The following TERB1 variants were observed in gnomAD, a reference collection of about 807,000 sequenced individuals.
TERB1 encodes telomere repeat binding bouquet formation protein 1, also known as telomere repeats-binding bouquet formation protein 1.
A neutral mutation model predicts 92.3 loss-of-function variants in TERB1; 63 were observed. The observed-to-expected ratio is 0.68, with a 90% CI of 0.56 to 0.84. TERB1 has a LOEUF of 0.84. Ranked by LOEUF, TERB1 falls within the 40% of genes least tolerant of loss-of-function variation. TERB1 has a pLI of 0.00. For synonymous variants in TERB1, 252 were observed against 283.9 expected (o/e 0.89, Z 1.13); for missense variants, 709 against 843.7 (o/e 0.84, Z 1.98).
At chr16:66,788,803 A>T (rs1272739225) in intron 5 of TERB1, among the ~76,000 whole-genome samples, 1 of 152,094 alleles carries the variant, frequency 6.6e-6, no homozygotes, top group Non-Finnish European at 1.5e-5. Flanking sequence ...TTTTACAAAA[A>T]TAATATAGAC....
At chr16:66,794,526 A>C (rs958746223) in intron 3 of TERB1, among the ~76,000 whole-genome samples, 1 of 152,194 alleles carries the variant, frequency 6.6e-6, no homozygotes, top group African/African-American at 2.4e-5. Flanking sequence ...ATCATGTTTC[A>C]CCTTGGTTTT....
At chr16:66,767,363 A>G in intron 16 of TERB1, 52 bp downstream of exon 16, 2 of 1,071,124 alleles carry the variant, frequency 1.9e-6, no homozygotes, top group East Asian at 2.7e-5. Flanking sequence ...ATTCTAGTTA[A>G]TATCATAAAA....
chr16:66,777,423 C>T lies in TERB1; in HGVS notation c.854-89G>A, dbSNP rs966293014. ...ATGTATTTTTCAGAGTTTATTCAGGCAGAATGTTATATATCTATATAAAAT... is the reference window on the plus strand; with the variant it reads ...ATGTATTTTTCAGAGTTTATTCAGGTAGAATGTTATATATCTATATAAAAT... On this transcript the variant is annotated intron_variant, in intron 10 of 18. Transcript: ENST00000433154. The T allele has an allele frequency of 6.1e-5, 46 of 750,926 alleles. No individual in the cohort carries two copies. In the Admixed American group the frequency reaches 1.4e-3, roughly 22 times the overall value. The allele number at this position is 750,926 out of a possible 1,614,324, so 46.5% of individuals were successfully genotyped here.
intron 3 of TERB1, among the ~76,000 whole-genome samples, 163 bp from the exon 4 acceptor site, chr16:66,791,182 G>A (rs1415848389): frequency 6.6e-6 from 1 of 151,780 alleles, no homozygotes; most frequent in Non-Finnish European, 1.5e-5. Flanking sequence ...TTTTAAAAAT[G>A]TTCTTTAAAT....
rs575322659 is a variant in TERB1 at position 66,785,107 on chromosome 16, T to C, written c.700+679A>G. The stretch of plus-strand genomic sequence containing the variant: ...TGATCTTGGCTCACTGCAACTTCCG[T>C]CTCCTGGGCTCACGCGATTCTCCTG... On this transcript the variant is annotated intron_variant, in intron 9 of 18. Transcript: ENST00000433154. Among the ~76,000 whole-genome samples, 49 of 150,042 alleles carry C rather than the reference T, an allele frequency of 3.3e-4. 1 individual carries two copies. The highest frequency in any genetic ancestry group is 1.1e-3 in the African/African-American group (46 of 40,698).
chr16:66,790,847 TTTG>T, intron 4 of TERB1, 59 bp downstream of exon 4: 1 of 1,396,478 alleles, frequency 7.2e-7, no homozygotes, highest in Admixed American at 2.1e-5. Flanking sequence ...ACTATGCTTA[TTTG>T]ATATATCAGA....
At chr16:66,757,170 G>T (rs146103018) in intron 18 of TERB1, among the ~76,000 whole-genome samples, 1 of 152,216 alleles carries the variant, frequency 6.6e-6, no homozygotes, top group East Asian at 1.9e-4. Flanking sequence ...CTTTCTCAAG[G>T]TTCCTTTCTA....
intron 3 of TERB1, among the ~76,000 whole-genome samples, chr16:66,791,606 A>C (rs891981099): frequency 1.3e-5 from 2 of 152,156 alleles, no homozygotes; most frequent in Non-Finnish European, 2.9e-5. Flanking sequence ...GACACAAATT[A>C]CCAATATCAG....
At position 66,786,321 on chromosome 16, in the gene TERB1, T is replaced by C. The variant is rs780324520; in HGVS notation, c.401-36A>G. On this transcript the variant is annotated intron_variant, in intron 6 of 18. Coordinates refer to ENST00000433154, the MANE Select transcript of TERB1 (RefSeq NM_001136505.2). ...TAGCCATATAAAAATATGAGTTTTA[T>C]TTACAAATAGTCTTGCAGAAATGAA... The C allele has an allele frequency of 2.1e-6, 3 of 1,403,496 alleles. No homozygotes were observed. In the South Asian group the frequency reaches 3.9e-5, roughly 18 times the overall value. The allele number at this position is 1,403,496 out of a possible 1,614,324, so 86.9% of individuals were successfully genotyped here. A position where few individuals can be genotyped will look rare whatever the true frequency, so the allele number is the denominator to read the frequency against.
At chr16:66,776,198 G>A (rs191525592) in intron 11 of TERB1, among the ~76,000 whole-genome samples, 2 of 151,444 alleles carry the variant, frequency 1.3e-5, no homozygotes, top group Non-Finnish European at 2.9e-5. Context: ...CCCTGGTGGC[G>A]CATGCCTGTA....
At chr16:66,784,080 A>G (rs2018680894) in intron 9 of TERB1, among the ~76,000 whole-genome samples, 2 of 152,162 alleles carry the variant, frequency 1.3e-5, no homozygotes, top group Non-Finnish European at 2.9e-5. Context: ...TACTCTTTTA[A>G]TATCTGTTAA....
chr16:66,778,040 G>C (rs1489842536), intron 10 of TERB1, among the ~76,000 whole-genome samples: 1 of 151,978 alleles, frequency 6.6e-6, no homozygotes, highest in East Asian at 1.9e-4. Context: ...TCTATTTTTT[G>C]CTCCCTAGTT....
chr16:66,763,364 T>C (rs193143586), intron 16 of TERB1, among the ~76,000 whole-genome samples: 1 of 152,336 alleles, frequency 6.6e-6, no homozygotes, highest in Admixed American at 6.5e-5. Context: ...AGGTCATTTG[T>C]ACTATAGTTT....
chr16:66,767,533 G>GCA, intron 15 of TERB1, 23 bp from the exon 16 acceptor site: 2 of 985,474 alleles, frequency 2.0e-6, no homozygotes, highest in African/African-American at 1.7e-5. Flanking sequence ...GCAAAATGAA[G>GCA]GATTTTTGGA....
At chr16:66,797,674 G>A (rs1959205196) in intron 2 of TERB1, among the ~76,000 whole-genome samples, 1 of 138,570 alleles carries the variant, frequency 7.2e-6, no homozygotes, top group Non-Finnish European at 1.6e-5. Context: ...CTTTAGATTG[G>A]CCTTTCTCTT....
Position 66,758,928 on chromosome 16 carries a change from C to T in TERB1, c.1931-90G>A. ...CATTAGTATATTTCCTTTATTCCCC[C>T]GTCTAGTGGGAATACTTAGATAGAT... On this transcript the variant is annotated intron_variant, in intron 17 of 18. Coordinates refer to ENST00000433154, the MANE Select transcript of TERB1 (RefSeq NM_001136505.2). 4 of 1,006,890 alleles carry T rather than the reference C, an allele frequency of 4.0e-6. No individual in the cohort carries two copies. The South Asian group carries it at 4.6e-5, about 11-fold the overall frequency. 62.4% of individuals were successfully genotyped at this position (1,006,890 alleles called of 1,614,324 possible). A position where few individuals can be genotyped will look rare whatever the true frequency, so the allele number is the denominator to read the frequency against.
At chr16:66,757,228 T>C (rs985083246) in intron 18 of TERB1, among the ~76,000 whole-genome samples, 1 of 152,122 alleles carries the variant, frequency 6.6e-6, no homozygotes, top group Non-Finnish European at 1.5e-5. Context: ...AAAGCAAGTC[T>C]TACCTACAAA....
At position 66,786,265 on chromosome 16, in the gene TERB1, TCA is replaced by T; in HGVS notation, c.419_420del (p.Val140GlufsTer21). ...VSNNRTGQTLVRETGCITVLS... is the reference protein window; with the variant it reads ...VSNNRTGQTLXRETGCITVLS... Reference sequence around the variant, plus strand: ...AGAACTGTAATACAACCTGTTTCTCTCACAAGTGTTTGTCCGGTCCCTTAAAA... The same window carrying T: ...AGAACTGTAATACAACCTGTTTCTCTCAAGTGTTTGTCCGGTCCCTTAAAA... On this transcript the variant is annotated frameshift_variant, in exon 7 of 19. Transcript: ENST00000433154. LOFTEE classifies it high-confidence loss of function. The T allele has an allele frequency of 6.5e-7, 1 of 1,549,306 alleles. No homozygotes were observed. The highest frequency in any genetic ancestry group is 8.7e-7 in the Non-Finnish European group (1 of 1,145,862).
chr16:66,790,174 G>T (rs2145225329), intron 5 of TERB1, among the ~76,000 whole-genome samples: 1 of 151,514 alleles, frequency 6.6e-6, no homozygotes, highest in Non-Finnish European at 1.5e-5. Context: ...ATGGTTGTGG[G>T]TTATCTTCAT....
Sources: allele counts gnomAD v4.1 joint callset (sites outside exome capture counted in the v4.1 genomes callset), GRCh38; gene constraint gnomAD v4.1.1; transcripts MANE v1.5; gene names NCBI Gene and HGNC (gene_info 2026-07-23, HGNC 2026-07-21).